Variants in LRRTM4 observed in about 807,000 individuals in gnomAD.
The protein encoded by LRRTM4 is leucine-rich repeat transmembrane neuronal protein 4.
In LRRTM4, 25 loss-of-function variants were observed where a neutral mutation model predicts 47.6. The observed-to-expected ratio is 0.53, with a 90% CI of 0.38 to 0.73. The LOEUF (loss-of-function observed/expected upper bound fraction) is 0.73, where lower values mean the gene tolerates loss of function less well. LRRTM4 is among the 30% of genes least tolerant of loss of function. The pLI, the probability that LRRTM4 is intolerant of heterozygous loss-of-function variation, is 0.00. For missense variants in LRRTM4, 638 were observed against 713.4 expected (o/e 0.89, Z 1.20); for synonymous variants, 311 against 269.5 (o/e 1.15, Z -1.51).
At chr2:77,312,634 G>T (rs999646806) in intron 3 of LRRTM4, among the ~76,000 whole-genome samples, 1 of 151,552 alleles carries the variant, frequency 6.6e-6, no homozygotes, top group East Asian at 1.9e-4. Flanking sequence ...CCACACGCGT[G>T]CACACACACA....
intron 3 of LRRTM4, among the ~76,000 whole-genome samples, chr2:77,448,712 C>T (rs1676145560): frequency 6.6e-6 from 1 of 152,068 alleles, no homozygotes; most frequent in South Asian, 2.1e-4. Context: ...AGTAGAAATA[C>T]CAGGTTGTAC....
intron 3 of LRRTM4, among the ~76,000 whole-genome samples, chr2:77,189,514 T>C (rs1269886418): frequency 1.3e-5 from 2 of 152,128 alleles, no homozygotes; most frequent in East Asian, 3.9e-4. Flanking sequence ...GTGGGATTAG[T>C]GCTCTTATAA....
intron 3 of LRRTM4, among the ~76,000 whole-genome samples, chr2:77,058,384 A>C (rs538143571): frequency 7.2e-5 from 11 of 152,306 alleles, no homozygotes; most frequent in African/African-American, 2.4e-4. Flanking sequence ...ATTGGGGAGT[A>C]CTTAGGCAAA....
In LRRTM4 at chr2:77,024,874, G is replaced by A. The variant is rs556869239; in HGVS notation, c.1552-275958C>T. 5.3e-5 allele frequency among the ~76,000 whole-genome samples: 8 copies of A among 152,042 alleles called. No individual in the cohort carries two copies. In the East Asian group the frequency reaches 7.7e-4, roughly 15 times the overall value. The stretch of plus-strand genomic sequence containing the variant: ...AGCCAATAAGGATTATATCTTGTTG[G>A]AAATGTAGGACACTTCTTAATTGAT... On this transcript the variant is annotated intron_variant, in intron 3 of 3. Transcript: ENST00000409884.
intron 3 of LRRTM4, among the ~76,000 whole-genome samples, chr2:77,077,955 C>T (rs906157588): frequency 6.6e-6 from 1 of 152,106 alleles, no homozygotes; most frequent in East Asian, 1.9e-4. Context: ...AAGAGAGACA[C>T]AAAGAAGTAA....
intron 3 of LRRTM4, among the ~76,000 whole-genome samples, chr2:76,883,613 G>A (rs2104115950): frequency 6.6e-6 from 1 of 152,232 alleles, no homozygotes; most frequent in East Asian, 1.9e-4. Context: ...AAACAAAAAT[G>A]TTAAAGCTTC....
chr2:77,130,800 C>T (rs1294012022), intron 3 of LRRTM4, among the ~76,000 whole-genome samples: 8 of 142,258 alleles, frequency 5.6e-5, no homozygotes, highest in East Asian at 2.2e-4. Flanking sequence ...TGTGAGCCAC[C>T]GTGCCCGGCC....
intron 3 of LRRTM4, among the ~76,000 whole-genome samples, chr2:76,929,014 G>A (rs766825990): frequency 6.6e-5 from 10 of 152,202 alleles, no homozygotes; most frequent in Admixed American, 1.3e-4. Context: ...TGTTACAAAG[G>A]TGAGCAGATG....
chr2:77,291,156 G>T (rs542712015), intron 3 of LRRTM4, among the ~76,000 whole-genome samples: 3 of 152,070 alleles, frequency 2.0e-5, no homozygotes, highest in East Asian at 3.9e-4. Flanking sequence ...TTATACAGAT[G>T]AGAGATGGAA....
chr2:76,891,662 C>A (rs1035256093), intron 3 of LRRTM4, among the ~76,000 whole-genome samples: 2 of 151,740 alleles, frequency 1.3e-5, no homozygotes, highest in Non-Finnish European at 2.9e-5. Context: ...GACGATTAGA[C>A]TTTCATGTGG....
At chr2:77,424,789 C>T (rs571904686) in intron 3 of LRRTM4, among the ~76,000 whole-genome samples, 4 of 152,300 alleles carry the variant, frequency 2.6e-5, no homozygotes, top group African/African-American at 9.6e-5. Flanking sequence ...GCCTTAATCA[C>T]ATATACACTC....
intron 3 of LRRTM4, among the ~76,000 whole-genome samples, chr2:76,873,506 G>GTATATATATATATATATATATA (rs58469429): frequency 1.4e-4 from 16 of 112,302 alleles, no homozygotes; most frequent in African/African-American, 4.9e-4. Flanking sequence ...ATATATGTGT[G>GTATATATATATATATATATATA]TATATATATA....
chr2:77,003,675 T>A (rs1434677276), intron 3 of LRRTM4, among the ~76,000 whole-genome samples: 1 of 152,168 alleles, frequency 6.6e-6, no homozygotes, highest in Non-Finnish European at 1.5e-5. Flanking sequence ...ATGTCTTTAT[T>A]AGTAGTGTGA....
intron 3 of LRRTM4, chr2:76,987,410 T>C (rs1286353304): frequency 6.6e-6 from 1 of 151,904 alleles, no homozygotes; most frequent in Admixed American, 6.6e-5. Context: ...TATTAGGTGA[T>C]GTCTAGAGCA....
chr2:76,774,207 A>G (rs555294833), intron 3 of LRRTM4, among the ~76,000 whole-genome samples: 3 of 151,518 alleles, frequency 2.0e-5, no homozygotes, highest in African/African-American at 7.3e-5. Context: ...TAGTTTTTAG[A>G]TGGAGTCTTG....
chr2:76,956,351 A>C (rs1675675017), intron 3 of LRRTM4, among the ~76,000 whole-genome samples: 1 of 151,868 alleles, frequency 6.6e-6, no homozygotes, highest in Middle Eastern at 3.4e-3. Flanking sequence ...CTAATACGTA[A>C]AGAAGGGAAA....
chr2:76,805,960 G>C (rs1007751797), intron 3 of LRRTM4, among the ~76,000 whole-genome samples: 1 of 152,032 alleles, frequency 6.6e-6, no homozygotes, highest in Admixed American at 6.6e-5. Context: ...TTTCTATCTC[G>C]AAGGACCACA....
chr2:77,515,774 A>G (rs766306155), intron 3 of LRRTM4, among the ~76,000 whole-genome samples: 1 of 151,846 alleles, frequency 6.6e-6, no homozygotes, highest in African/African-American at 2.4e-5. Context: ...TCTTGGCTCT[A>G]TTTTGTAGAG....
At chr2:77,269,423 A>G (rs1336959976) in intron 3 of LRRTM4, among the ~76,000 whole-genome samples, 1 of 152,176 alleles carries the variant, frequency 6.6e-6, no homozygotes, top group Non-Finnish European at 1.5e-5. Flanking sequence ...GATAATTACA[A>G]AAGTACATGA....
Sources: gnomAD v4.1 joint callset for allele counts (sites outside exome capture counted in the v4.1 genomes callset) on GRCh38, gnomAD v4.1.1 for gene constraint, MANE v1.5 for transcripts, NCBI Gene and HGNC (gene_info 2026-07-23, HGNC 2026-07-21) for gene names.